The following MRRF variants were observed in gnomAD, a reference collection of about 807,000 sequenced individuals.
MRRF encodes ribosome-recycling factor, mitochondrial.
A neutral mutation model predicts 25.1 loss-of-function variants in MRRF; 18 were observed. That is an observed-to-expected ratio of 0.72 (90% CI 0.50 to 1.06). MRRF has a LOEUF of 1.06. MRRF is among the 50% of genes least tolerant of loss of function. The pLI is 0.00. For synonymous variants in MRRF, 113 were observed against 112.1 expected (o/e 1.01, Z -0.05); for missense variants, 323 against 319.3 (o/e 1.01, Z -0.09).
In MRRF at chr9:122,324,861, T is replaced by TA. The variant is rs1222447999; in HGVS notation, c.*2245dup. 1 of 152,244 alleles carries TA rather than the reference T, an allele frequency of 6.6e-6. No individual in the cohort carries two copies. Among genetic ancestry groups the TA allele is most frequent in the Non-Finnish European group, 1.5e-5 (1 of 68,062 alleles). 9.4% of individuals were successfully genotyped at this position (152,244 alleles called of 1,614,324 possible). On this transcript the variant is annotated 3_prime_UTR_variant, in exon 7 of 7. Transcript: ENST00000344641. ...AACTAACACAGTCTCCTGCCCCACT[T>TA]ACCTGTCCTCTAACCCCATCCACCA...
intron 4 of MRRF, among the ~76,000 whole-genome samples, chr9:122,291,169 G>A (rs1249284994): frequency 6.6e-6 from 1 of 152,156 alleles, no homozygotes; most frequent in Non-Finnish European, 1.5e-5. Flanking sequence ...GCTGGGATGT[G>A]AACTGAGATC....
intron 4 of MRRF, among the ~76,000 whole-genome samples, chr9:122,288,573 T>C: frequency 6.6e-6 from 1 of 152,226 alleles, no homozygotes; most frequent in East Asian, 1.9e-4. Flanking sequence ...TTTTGAGTCC[T>C]TGCAAGTGAT....
intron 5 of MRRF, among the ~76,000 whole-genome samples, chr9:122,312,040 T>G (rs1835235010): frequency 6.6e-6 from 1 of 152,230 alleles, no homozygotes; most frequent in Non-Finnish European, 1.5e-5. Context: ...TTTGTGCTTT[T>G]TAGTCCCAAG....
In MRRF at chr9:122,280,553, C is replaced by G. The variant is rs565042307; in HGVS notation, c.295C>G (p.Leu99Val). 1.2e-6 allele frequency: 2 copies of G among 1,613,900 alleles called. No homozygotes were observed. The highest frequency in any genetic ancestry group is 2.7e-5 in the African/African-American group (2 of 74,916). ...AGAAATGAAGTCTGTGATAGAAGCT[C>G]TCAAGGATAATTTCAATAAGACTCT... ...NEEMKSVIEA[L>V]KDNFNKTLNI... Residue 99 changes from leucine (L) to valine (V), a missense_variant, in exon 3 of 7, where the codon CTC becomes GTC. By Grantham distance (32) the Leu-to-Val change is conservative. Coordinates refer to ENST00000344641, the MANE Select transcript of MRRF (RefSeq NM_138777.5).
chr9:122,280,391 T>C, intron 2 of MRRF, 52 bp from the exon 3 acceptor site: 1 of 1,601,548 alleles, frequency 6.2e-7, no homozygotes, highest in Non-Finnish European at 8.6e-7. Context: ...CAATTGCTTA[T>C]TGGCTCTGTT....
At chr9:122,315,231 G>T (rs1046805239) in intron 6 of MRRF, among the ~76,000 whole-genome samples, 1 of 152,052 alleles carries the variant, frequency 6.6e-6, no homozygotes, top group African/African-American at 2.4e-5. Flanking sequence ...TGCCCAGGCT[G>T]GTCTTGGGCT....
chr9:122,290,598 G>T (rs142960389), intron 4 of MRRF, among the ~76,000 whole-genome samples: 38 of 152,278 alleles, frequency 2.5e-4, no homozygotes, highest in Admixed American at 7.2e-4. Flanking sequence ...TATATCAACC[G>T]CCATTCATTT....
intron 5 of MRRF, among the ~76,000 whole-genome samples, chr9:122,308,034 A>G (rs963502184): frequency 6.6e-6 from 1 of 152,182 alleles, no homozygotes; most frequent in African/African-American, 2.4e-5. Flanking sequence ...CTTATTGTTC[A>G]TAGGAACATG....
At chr9:122,293,487 T>C (rs1481514086) in intron 5 of MRRF, among the ~76,000 whole-genome samples, 1 of 152,176 alleles carries the variant, frequency 6.6e-6, no homozygotes, top group Admixed American at 6.5e-5. Context: ...TCCAGAAACT[T>C]TCCACACTGA....
intron 5 of MRRF, 99 bp from the exon 6 acceptor site, chr9:122,313,128 G>A: frequency 1.6e-6 from 2 of 1,275,270 alleles, no homozygotes; most frequent in Non-Finnish European, 2.2e-6. Flanking sequence ...AGAGAGGAAA[G>A]TTACAAACTG....
At chr9:122,285,459 G>C in intron 4 of MRRF, 172 bp downstream of exon 4, 1 of 673,440 alleles carries the variant, frequency 1.5e-6, no homozygotes, top group South Asian at 1.5e-5. Flanking sequence ...TTCCTTTTCT[G>C]TTAAACTCAG....
intron 2 of MRRF, among the ~76,000 whole-genome samples, chr9:122,273,509 G>A (rs1301376100): frequency 6.6e-6 from 1 of 151,638 alleles, no homozygotes; most frequent in Non-Finnish European, 1.5e-5. Context: ...TATTTCTGGG[G>A]GAATCCTATC....
rs772970007 is a variant in MRRF, at chr9:122,291,754, A to G, written c.465A>G (p.Thr155=). 6.2e-7 allele frequency: 1 copy of G among 1,609,788 alleles called. No individual in the cohort carries two copies. The highest frequency in any genetic ancestry group is 1.1e-5 in the South Asian group (1 of 91,004). ...LVNMASFPEC[T]AAAIKAIRES... ...CCTTTTGATCTGGTTTTCAGTGTAC[A>G]GCTGCAGCTATCAAGGCTATAAGAG... Residue 155 remains threonine, a synonymous_variant, in exon 5 of 7, where the codon ACA becomes ACG. Coordinates refer to ENST00000344641, the MANE Select transcript of MRRF (RefSeq NM_138777.5).
intron 5 of MRRF, among the ~76,000 whole-genome samples, chr9:122,306,476 T>TG (rs1834854418): frequency 6.6e-6 from 1 of 152,194 alleles, no homozygotes; most frequent in Non-Finnish European, 1.5e-5. Context: ...TGAAATAACT[T>TG]GCCCAGGGCC....
Position 122,322,677 on chromosome 9 carries a change from A to T in MRRF, c.*60A>T, listed in dbSNP as rs1475665047. 1 of 1,454,696 alleles carries T rather than the reference A, an allele frequency of 6.9e-7. No individual in the cohort carries two copies. The highest frequency in any genetic ancestry group is 1.4e-5 in the African/African-American group (1 of 71,504). 90.1% of individuals were successfully genotyped at this position (1,454,696 alleles called of 1,614,324 possible). The stretch of plus-strand genomic sequence containing the variant: ...GTTTCTGCTGGATCCCATGGGTGGC[A>T]CATTGGGACTTCTCTCCCTCCCCCA... On this transcript the variant is annotated 3_prime_UTR_variant, in exon 7 of 7. Transcript: ENST00000344641.
In MRRF at chr9:122,328,621, G is replaced by T. The variant is rs944204831; in HGVS notation, c.*6004G>T. 2 of 152,110 alleles carry T rather than the reference G, an allele frequency of 1.3e-5. No homozygotes were observed. The highest frequency in any genetic ancestry group is 2.9e-5 in the Non-Finnish European group (2 of 68,034). The allele number at this position is 152,110 out of a possible 1,614,324, so 9.4% of individuals were successfully genotyped here. A position where few individuals can be genotyped will look rare whatever the true frequency, so the allele number is the denominator to read the frequency against. ...AGTATATATAAAGCTCCTTTTAACA[G>T]ACACTTAAATTCATTTACATTTATT... On this transcript the variant is annotated 3_prime_UTR_variant, in exon 7 of 7. Transcript: ENST00000344641.
At chr9:122,308,717 A>G (rs1286623830) in intron 5 of MRRF, among the ~76,000 whole-genome samples, 1 of 151,462 alleles carries the variant, frequency 6.6e-6, no homozygotes, top group African/African-American at 2.4e-5. Context: ...AAAAAAAAAA[A>G]AAAAAGATGG....
intron 5 of MRRF, among the ~76,000 whole-genome samples, chr9:122,302,425 C>G (rs182215440): frequency 6.6e-6 from 1 of 152,190 alleles, no homozygotes. Context: ...TTTCCTAGTT[C>G]TGAATATTTT....
chr9:122,290,882 A>G (rs1171585827), intron 4 of MRRF, among the ~76,000 whole-genome samples: 1 of 152,206 alleles, frequency 6.6e-6, no homozygotes, highest in Non-Finnish European at 1.5e-5. Flanking sequence ...AAACCCCTGA[A>G]GGATGTTGGG....
Sources: gnomAD v4.1 joint callset for allele counts (sites outside exome capture counted in the v4.1 genomes callset) on GRCh38, gnomAD v4.1.1 for gene constraint, MANE v1.5 for transcripts, NCBI Gene and HGNC (gene_info 2026-07-23, HGNC 2026-07-21) for gene names.